Variants in OR51I2 observed in about 807,000 individuals in gnomAD.
OR51I2 encodes olfactory receptor 51I2.
Under a neutral mutation model 9.3 loss-of-function variants are expected in OR51I2, and 6 were observed. The ratio of observed to expected loss-of-function variants is 0.64; its 90% CI spans 0.35 to 1.27. The LOEUF (loss-of-function observed/expected upper bound fraction) is 1.27. OR51I2 is among the 50% of genes most tolerant of loss of function. OR51I2 has a pLI of 0.03. For synonymous variants in OR51I2, 179 were observed against 143.1 expected (o/e 1.25, Z -1.79); for missense variants, 489 against 396.4 (o/e 1.23, Z -1.98).
Position 5,454,451 on chromosome 11 carries a change from T to C in OR51I2, c.*24T>C. The C allele has an allele frequency of 6.4e-7, 1 of 1,572,886 alleles. No homozygotes were observed. Among genetic ancestry groups the C allele is most frequent in the Non-Finnish European group, 8.6e-7 (1 of 1,160,938 alleles). ...GACTTTCACACTTGGCTTTAGAATC[T>C]GTTATTTTGGCCATAGGCTCTCATC... On this transcript the variant is annotated 3_prime_UTR_variant, in exon 2 of 2. Transcript: ENST00000641930.
Position 5,454,402 on chromosome 11 carries a change from G to A in OR51I2, c.914G>A (p.Arg305His), listed in dbSNP as rs781014667. The A allele has an allele frequency of 2.6e-5, 42 of 1,606,454 alleles. No individual in the cohort carries two copies. The highest frequency in any genetic ancestry group is 5.0e-5 in the Admixed American group (3 of 59,896). ...KTKEIRRAIF[R>H]MFHHIKI ...AAGGAAATCCGCCGAGCCATTTTCC[G>A]CATGTTTCACCACATCAAAATATGA... is the stretch of plus-strand genomic sequence containing the variant. The change falls in exon 2 of 2, where the codon CGC becomes CAC. Residue 305 changes from arginine to histidine, a missense_variant. By Grantham distance (29) the Arg-to-His change is conservative. Transcript: ENST00000641930.
rs182857851 is a variant in OR51I2 at position 5,455,688 on chromosome 11, G to C, written c.*1261G>C. On this transcript the variant is annotated 3_prime_UTR_variant, in exon 2 of 2. Coordinates refer to ENST00000641930, the MANE Select transcript of OR51I2 (RefSeq NM_001004754.3). ...CCATGGAAACTCATCCAGAAACCAC[G>C]TAGTAGCAAAGCATATTGTTATCTA... 1 of 152,190 alleles carries C rather than the reference G, an allele frequency of 6.6e-6. No homozygotes were observed. Among genetic ancestry groups the C allele is most frequent in the Admixed American group, 6.5e-5 (1 of 15,282 alleles). 9.4% of individuals were successfully genotyped at this position (152,190 alleles called of 1,614,324 possible).
intron 1 of OR51I2, among the ~76,000 whole-genome samples, chr11:5,449,989 A>G (rs558624087): frequency 6.6e-6 from 1 of 152,254 alleles, no homozygotes; most frequent in African/African-American, 2.4e-5. Flanking sequence ...TTCTGCCCCC[A>G]TAACAGCACC....
Position 5,454,109 on chromosome 11 carries a change from T to C in OR51I2, c.621T>C (p.Phe207=). Residue 207 remains phenylalanine (F), a synonymous_variant, in exon 2 of 2, where the codon TTT becomes TTC. Coordinates refer to ENST00000641930, the MANE Select transcript of OR51I2 (RefSeq NM_001004754.3). ...IYGLFVLVST[F]GMDLFFIFLS... ...GACTCTTTGTTCTTGTATCCACCTT[T>C]GGCATGGACCTGTTTTTTATCTTCC... The C allele has an allele frequency of 6.2e-7, 1 of 1,614,232 alleles. No individual in the cohort carries two copies. The highest frequency in any genetic ancestry group is 1.1e-5 in the South Asian group (1 of 91,088).
rs1375068614 is a variant in OR51I2 at position 5,453,936 on chromosome 11, G to C, written c.448G>C (p.Ala150Pro). ...TGCTGCAATGGGTTTAGGTGCAGCT[G>C]CTCGAAGCTTCATCACCCTTTTCCC... Reference protein sequence around the residue: ...VIAAMGLGAAARSFITLFPLP... With the variant: ...VIAAMGLGAAPRSFITLFPLP... Residue 150 changes from alanine to proline, a missense_variant, in exon 2 of 2, where the codon GCT becomes CCT. By Grantham distance (27) the Ala-to-Pro change is conservative. Transcript: ENST00000641930. 2 of 1,614,038 alleles carry C rather than the reference G, an allele frequency of 1.2e-6. No individual in the cohort carries two copies. Among genetic ancestry groups the C allele is most frequent in the African/African-American group, 2.7e-5 (2 of 74,912 alleles).
In OR51I2 at chr11:5,454,222, T is replaced by C. The variant is rs1274703858; in HGVS notation, c.734T>C (p.Ile245Thr). The C allele has an allele frequency of 9.9e-6, 16 of 1,614,090 alleles. No homozygotes were observed. In the Admixed American group the frequency reaches 2.7e-4, roughly 27 times the overall value. The part of the protein sequence containing the change: ...LKALNTCVSH[I>T]LAVLAFYVPM... Reference sequence around the variant, plus strand: ...GCTCTCAACACATGTGTGTCACATATCCTGGCTGTACTTGCATTTTATGTG... The same window carrying C: ...GCTCTCAACACATGTGTGTCACATACCCTGGCTGTACTTGCATTTTATGTG... Residue 245 changes from isoleucine to threonine, a missense_variant, in exon 2 of 2, where the codon ATC becomes ACC. By Grantham distance (89) the Ile-to-Thr change is moderately conservative. Transcript: ENST00000641930.
At position 5,454,177 on chromosome 11, in the gene OR51I2, C is replaced by T. The variant is rs1244327018; in HGVS notation, c.689C>T (p.Ser230Phe). Reference sequence around the variant, plus strand: ...CTGCGTTCTGTCATGGCCACTGCTTCCCGTGAGGAACGCCTCAAAGCTCTC... The same window carrying T: ...CTGCGTTCTGTCATGGCCACTGCTTTCCGTGAGGAACGCCTCAAAGCTCTC... ...LILRSVMATA[S>F]REERLKALNT... The change falls in exon 2 of 2, where the codon TCC (serine) becomes TTC (phenylalanine). Residue 230 changes from serine (S) to phenylalanine (F), a missense_variant. Transcript: ENST00000641930. 1.2e-6 allele frequency: 2 copies of T among 1,612,248 alleles called. No homozygotes were observed. The highest frequency in any genetic ancestry group is 1.7e-5 in the Admixed American group (1 of 59,746).
In OR51I2 at chr11:5,454,285, A is replaced by AGCATGTCCCATGCTACAT; in HGVS notation, c.798_815dup (p.Tyr271_Ile272insMetHisValProCysTyr). 1 of 1,614,210 alleles carries AGCATGTCCCATGCTACAT rather than the reference A, an allele frequency of 6.2e-7. No homozygotes were observed. Among genetic ancestry groups the AGCATGTCCCATGCTACAT allele is most frequent in the Non-Finnish European group, 8.5e-7 (1 of 1,180,024 alleles). ...GTCTCCACAGTGCACCGCTTTGGGA[A>AGCATGTCCCATGCTACAT]GCATGTCCCATGCTACATACATGTC... On this transcript the variant is annotated inframe_insertion, in exon 2 of 2. Transcript: ENST00000641930.
rs187070648 is a variant in OR51I2 at position 5,455,821 on chromosome 11, T to A, written c.*1394T>A. 1.3e-5 allele frequency: 2 copies of A among 152,222 alleles called. No individual in the cohort carries two copies. Among genetic ancestry groups the A allele is most frequent in the East Asian group, 1.9e-4 (1 of 5,170 alleles). The allele number at this position is 152,222 out of a possible 1,614,324, so 9.4% of individuals were successfully genotyped here. The stretch of plus-strand genomic sequence containing the variant: ...TAAGTACTTGGGATTCAGATTTTTT[T>A]CAAAAATGTCTACAGGTACAATAAG... On this transcript the variant is annotated 3_prime_UTR_variant, in exon 2 of 2. Transcript: ENST00000641930.
chr11:5,453,452 G>T lies in OR51I2; in HGVS notation c.-37G>T, dbSNP rs771904526. On this transcript the variant is annotated 5_prime_UTR_variant, in exon 2 of 2. Transcript: ENST00000641930. ...ACTGTTAGAATTCTCCAAGTCAGAAGATCTGACTCTGAAAAGTACCCTAAG... is the reference window on the plus strand; with the variant it reads ...ACTGTTAGAATTCTCCAAGTCAGAATATCTGACTCTGAAAAGTACCCTAAG... 3 of 1,421,174 alleles carry T rather than the reference G, an allele frequency of 2.1e-6. No individual in the cohort carries two copies. The highest frequency in any genetic ancestry group is 2.8e-6 in the Non-Finnish European group (3 of 1,057,412). 88.0% of individuals were successfully genotyped at this position (1,421,174 alleles called of 1,614,324 possible). A position where few individuals can be genotyped will look rare whatever the true frequency, so the allele number is the denominator to read the frequency against.
Position 5,453,598 on chromosome 11 carries a change from T to G in OR51I2, c.110T>G (p.Val37Gly). Residue 37 changes from valine (V) to glycine (G), a missense_variant, in exon 2 of 2, where the codon GTG becomes GGG. Val to Gly is a moderately radical substitution (Grantham distance 109). Coordinates refer to ENST00000641930, the MANE Select transcript of OR51I2 (RefSeq NM_001004754.3). ...GGGCCCCTCTGCGTGATGTATGCTG[T>G]GGCCCTTGGGGGAAATACAGTGATC... ...LSGPLCVMYAVALGGNTVILQ... is the reference protein window; with the variant it reads ...LSGPLCVMYAGALGGNTVILQ... 1 of 1,613,646 alleles carries G rather than the reference T, an allele frequency of 6.2e-7. No homozygotes were observed. Among genetic ancestry groups the G allele is most frequent in the Admixed American group, 1.7e-5 (1 of 59,972 alleles).
chr11:5,453,622 T>C lies in OR51I2; in HGVS notation c.134T>C (p.Ile45Thr), dbSNP rs1316030076. 3 of 1,613,622 alleles carry C rather than the reference T, an allele frequency of 1.9e-6. No individual in the cohort carries two copies. The highest frequency in any genetic ancestry group is 4.5e-5 in the East Asian group (2 of 44,886). The change falls in exon 2 of 2, where the codon ATC becomes ACC. Residue 45 changes from isoleucine to threonine, a missense_variant. By Grantham distance (89) the Ile-to-Thr change is moderately conservative. Transcript: ENST00000641930. ...YAVALGGNTV[I>T]LQAVRVEPSL... ...GTGGCCCTTGGGGGAAATACAGTGA[T>C]CCTGCAGGCTGTGCGAGTGGAGCCC...
At chr11:5,452,504 C>CAAAAAAAAAAA (rs56677841) in intron 1 of OR51I2, among the ~76,000 whole-genome samples, 19 of 69,212 alleles carry the variant, frequency 2.7e-4, no homozygotes, top group Non-Finnish European at 2.9e-4. Flanking sequence ...GACTCTGTCT[C>CAAAAAAAAAAA]AAAAAAAAAA....
rs1850954148 is a variant in OR51I2, at chr11:5,456,054, T to C, written c.*1627T>C. Reference sequence around the variant, plus strand: ...TGAAATAATAATTTTAATGCTTTGATATTTTAGTTTCAAATATATACAACA... The same window carrying C: ...TGAAATAATAATTTTAATGCTTTGACATTTTAGTTTCAAATATATACAACA... On this transcript the variant is annotated 3_prime_UTR_variant, in exon 2 of 2. Coordinates refer to ENST00000641930, the MANE Select transcript of OR51I2 (RefSeq NM_001004754.3). The C allele has an allele frequency of 6.6e-6, 1 of 152,226 alleles. No individual in the cohort carries two copies. The highest frequency in any genetic ancestry group is 6.5e-5 in the Admixed American group (1 of 15,290). The allele number at this position is 152,226 out of a possible 1,614,324, so 9.4% of individuals were successfully genotyped here.
At position 5,455,028 on chromosome 11, in the gene OR51I2, C is replaced by A. The variant is rs1317351621; in HGVS notation, c.*601C>A. 1 of 152,300 alleles carries A rather than the reference C, an allele frequency of 6.6e-6. No individual in the cohort carries two copies. Among genetic ancestry groups the A allele is most frequent in the Non-Finnish European group, 1.5e-5 (1 of 68,118 alleles). The allele number at this position is 152,300 out of a possible 1,614,324, so 9.4% of individuals were successfully genotyped here. A position where few individuals can be genotyped will look rare whatever the true frequency, so the allele number is the denominator to read the frequency against. On this transcript the variant is annotated 3_prime_UTR_variant, in exon 2 of 2. Transcript: ENST00000641930. ...CTCAAACACTCATACATTGCTTTAA[C>A]TTCACAAAGTGAAATCAGCTTAACT...
intron 1 of OR51I2, among the ~76,000 whole-genome samples, chr11:5,450,164 A>G (rs1001240423): frequency 8.5e-5 from 13 of 152,076 alleles, no homozygotes; most frequent in South Asian, 6.2e-4. Flanking sequence ...TGAGGTGGTC[A>G]GATCACCTGA....
At chr11:5,451,764 T>C (rs1034507790) in intron 1 of OR51I2, among the ~76,000 whole-genome samples, 4 of 152,062 alleles carry the variant, frequency 2.6e-5, no homozygotes, top group Non-Finnish European at 5.9e-5. Context: ...TGTTAGAGGT[T>C]GGAGAGGAAA....
intron 1 of OR51I2, among the ~76,000 whole-genome samples, chr11:5,452,975 A>G (rs1193953939): frequency 6.6e-6 from 1 of 152,166 alleles, no homozygotes; most frequent in East Asian, 1.9e-4. Context: ...CCATCCAAGC[A>G]CACAACATGA....
rs752763809 is a variant in OR51I2, at chr11:5,454,134, C to G, written c.646C>G (p.Leu216Val). The change falls in exon 2 of 2, where the codon CTC becomes GTC. Residue 216 changes from leucine to valine, a missense_variant. By Grantham distance (32) the Leu-to-Val change is conservative (BLOSUM62 1). Coordinates refer to ENST00000641930, the MANE Select transcript of OR51I2 (RefSeq NM_001004754.3). ...TGGCATGGACCTGTTTTTTATCTTCCTCTCCTATGTGCTCATTCTGCGTTC... is the reference window on the plus strand; with the variant it reads ...TGGCATGGACCTGTTTTTTATCTTCGTCTCCTATGTGCTCATTCTGCGTTC... ...TFGMDLFFIF[L>V]SYVLILRSVM... 6.2e-7 allele frequency: 1 copy of G among 1,614,034 alleles called. No individual in the cohort carries two copies. The highest frequency in any genetic ancestry group is 8.5e-7 in the Non-Finnish European group (1 of 1,180,022).
Sources: gnomAD v4.1 joint callset for allele counts (sites outside exome capture counted in the v4.1 genomes callset) on GRCh38, gnomAD v4.1.1 for gene constraint, MANE v1.5 for transcripts, NCBI Gene and HGNC (gene_info 2026-07-23, HGNC 2026-07-21) for gene names.